Variants in SHANK2 observed in about 807,000 individuals in gnomAD.
SHANK2 encodes SH3 and multiple ankyrin repeat domains 2.
SHANK2 carries 43 observed loss-of-function variants against 133.7 expected under a neutral mutation model. The observed-to-expected ratio is 0.32, with a 90% CI of 0.25 to 0.41. SHANK2 has a LOEUF of 0.41. SHANK2 is among the 10% of genes least tolerant of loss of function. SHANK2 has a pLI of 1.00. For synonymous variants in SHANK2, 1,017 were observed against 952.8 expected, an observed-to-expected ratio of 1.07 and a Z score of -1.24; for missense variants, 1,994 against 2,235.8, an observed-to-expected ratio of 0.89 and a Z score of 2.18.
chr11:71,130,225 C>T (rs1381847942), intron 3 of SHANK2, among the ~76,000 whole-genome samples: 3 of 152,166 alleles, frequency 2.0e-5, no homozygotes, highest in Non-Finnish European at 4.4e-5. Context: ...ACTGAATGAC[C>T]ATGGGGCGAG....
At chr11:71,107,214 G>T (rs541732431) in intron 6 of SHANK2, among the ~76,000 whole-genome samples, 52 of 152,270 alleles carry the variant, frequency 3.4e-4, no homozygotes, top group African/African-American at 1.1e-3. Flanking sequence ...CCATCTCCCT[G>T]GGTGACGCAG....
At position 71,136,018 on chromosome 11, in the gene SHANK2, G is replaced by A. The variant is rs1458847366; in HGVS notation, c.207+11102C>T. On this transcript the variant is annotated intron_variant, in intron 3 of 25. Coordinates refer to ENST00000601538, the MANE Select transcript of SHANK2 (RefSeq NM_012309.5). ...ACTTAGGGAGGGACTGGCTATAGGAGCTGTAGAGATGGAAGCTCAGGAGGA... is the reference window on the plus strand; with the variant it reads ...ACTTAGGGAGGGACTGGCTATAGGAACTGTAGAGATGGAAGCTCAGGAGGA... 2.6e-5 allele frequency among the ~76,000 whole-genome samples: 4 copies of A among 152,146 alleles called. 1 individual carries two copies. The highest frequency in any genetic ancestry group is 5.9e-5 in the Non-Finnish European group (4 of 68,048).
intron 17 of SHANK2, among the ~76,000 whole-genome samples, chr11:70,513,923 CAAAG>C (rs1678610628): frequency 6.6e-6 from 1 of 151,810 alleles, no homozygotes; most frequent in Admixed American, 6.6e-5. Flanking sequence ...AAATTAGAGT[CAAAG>C]AAGACAGAGA....
chr11:70,778,584 G>C (rs1279480403), intron 14 of SHANK2, among the ~76,000 whole-genome samples: 5 of 152,178 alleles, frequency 3.3e-5, no homozygotes, highest in Non-Finnish European at 7.3e-5. Context: ...AGAGAGCAGA[G>C]GTGTGCATGC....
chr11:70,481,882 C>A (rs1241744737), intron 25 of SHANK2, among the ~76,000 whole-genome samples: 1 of 152,378 alleles, frequency 6.6e-6, no homozygotes, highest in Admixed American at 6.5e-5. Flanking sequence ...AGGAGACATG[C>A]TGAGAGATAG....
At chr11:70,818,683 G>C (rs994971572) in intron 12 of SHANK2, among the ~76,000 whole-genome samples, 4 of 152,222 alleles carry the variant, frequency 2.6e-5, no homozygotes, top group Non-Finnish European at 4.4e-5. Flanking sequence ...AGAAGCAGCT[G>C]GACCTCCTTG....
At chr11:71,129,420 A>G (rs1344925904) in intron 3 of SHANK2, among the ~76,000 whole-genome samples, 1 of 152,220 alleles carries the variant, frequency 6.6e-6, no homozygotes, top group Non-Finnish European at 1.5e-5. Flanking sequence ...TTCATGGTCA[A>G]GCTCAAATCA....
chr11:71,160,787 C>T (rs1445228929), intron 2 of SHANK2, among the ~76,000 whole-genome samples: 1 of 152,180 alleles, frequency 6.6e-6, no homozygotes, highest in Admixed American at 6.5e-5. Context: ...CCCCAGAGCC[C>T]TGCAGAAACC....
chr11:71,209,571 C>T (rs1555118540), intron 2 of SHANK2, among the ~76,000 whole-genome samples: 1 of 152,238 alleles, frequency 6.6e-6, no homozygotes, highest in African/African-American at 2.4e-5. Flanking sequence ...CCAGACCCAG[C>T]TCCTCACTCT....
chr11:70,807,697 G>A lies in SHANK2; in HGVS notation c.1494-526C>T, dbSNP rs1555052280. The stretch of plus-strand genomic sequence containing the variant: ...ATTCAAAAAATAGCAGGGTGTGGTG[G>A]TGAGCACCTGTAATCCGGGCTACTG... On this transcript the variant is annotated intron_variant, in intron 12 of 25. Transcript: ENST00000601538. The surrounding 1 kb of genome is among the most constrained non-coding windows in gnomAD (Gnocchi z 4.8). Among the ~76,000 whole-genome samples, 1 of 152,138 alleles carries A rather than the reference G, an allele frequency of 6.6e-6. No individual in the cohort carries two copies. The highest frequency in any genetic ancestry group is 6.5e-5 in the Admixed American group (1 of 15,280).
intron 8 of SHANK2, among the ~76,000 whole-genome samples, chr11:71,076,100 C>T (rs1031897773): frequency 1.3e-3 from 193 of 152,314 alleles, no homozygotes; most frequent in Non-Finnish European, 2.0e-3. Context: ...GTCAGTGATG[C>T]CCCTCCCCAC....
chr11:71,188,607 T>C lies in SHANK2; in HGVS notation c.-13+36090A>G, dbSNP rs900978159. Among the ~76,000 whole-genome samples, 8 of 152,132 alleles carry C rather than the reference T, an allele frequency of 5.3e-5. No homozygotes were observed. The highest frequency in any genetic ancestry group is 1.0e-4 in the Non-Finnish European group (7 of 68,022). On this transcript the variant is annotated intron_variant, in intron 2 of 25. Coordinates refer to ENST00000601538, the MANE Select transcript of SHANK2 (RefSeq NM_012309.5). The surrounding 1 kb of genome is among the most constrained non-coding windows in gnomAD (Gnocchi z 4.6). ...CAACCAGGTACAGCCGTGAAGACAA[T>C]GAAATTCACTGTGCCTATAACCCAA...
At chr11:70,912,589 T>C (rs373333797) in intron 10 of SHANK2, among the ~76,000 whole-genome samples, 2 of 152,212 alleles carry the variant, frequency 1.3e-5, no homozygotes, top group African/African-American at 4.8e-5. Context: ...TCCCCAGCCG[T>C]GTGGAACTGT....
intron 14 of SHANK2, among the ~76,000 whole-genome samples, chr11:70,707,798 C>G (rs1945697963): frequency 6.6e-6 from 1 of 152,198 alleles, no homozygotes; most frequent in Admixed American, 6.5e-5. Flanking sequence ...ACGTTCTGGT[C>G]TACAAGTCTC....
At chr11:70,824,459 A>C (rs956775187) in intron 11 of SHANK2, among the ~76,000 whole-genome samples, 1 of 151,910 alleles carries the variant, frequency 6.6e-6, no homozygotes, top group Non-Finnish European at 1.5e-5. Flanking sequence ...TCCCACTCCT[A>C]ATTTCTCAAA....
Position 71,147,209 on chromosome 11 carries a change from TG to T in SHANK2, c.117del (p.Thr40LeufsTer19). 6.4e-7 allele frequency: 1 copy of T among 1,550,834 alleles called. No homozygotes were observed. Among genetic ancestry groups the T allele is most frequent in the Non-Finnish European group, 8.7e-7 (1 of 1,146,950 alleles). The stretch of plus-strand genomic sequence containing the variant: ...CTGGCACCGCCCGGCTTCTCCGCAG[TG>T]GCCCGGATCGTGTCATAGATGGTCT... ...KEETIYDTIR[A>X]TAEKPGGART... is the part of the protein sequence containing the mutation. On this transcript the variant is annotated frameshift_variant, in exon 3 of 26. Transcript: ENST00000601538. LOFTEE classifies it high-confidence loss of function.
chr11:71,190,189 C>G (rs12286663), intron 2 of SHANK2, among the ~76,000 whole-genome samples: 9,839 of 152,282 alleles, frequency 0.065, 876 homozygotes, highest in African/African-American at 0.2. Flanking sequence ...TGCCATTATT[C>G]AGTCCTCGCT....
intron 19 of SHANK2, 44 bp from the exon 20 acceptor site, chr11:70,501,975 A>G (rs782581862): frequency 4.5e-6 from 7 of 1,549,990 alleles, no homozygotes; most frequent in Admixed American, 2.0e-5. Flanking sequence ...ATGTTAGATA[A>G]ACAGAAAAGA....
At chr11:70,846,186 C>T (rs1376733309) in intron 11 of SHANK2, among the ~76,000 whole-genome samples, 5 of 152,118 alleles carry the variant, frequency 3.3e-5, no homozygotes, top group Admixed American at 6.5e-5. Flanking sequence ...TGGCAGAAAA[C>T]GGAGGCACCC....
Sources: gnomAD v4.1 joint callset for allele counts (sites outside exome capture counted in the v4.1 genomes callset) on GRCh38, gnomAD v4.1.1 for gene constraint, Gnocchi (gnomAD v3.1) non-coding constraint, MANE v1.5 for transcripts, NCBI Gene and HGNC (gene_info 2026-07-23, HGNC 2026-07-21) for gene names.